The following KAT6A variants were observed in gnomAD, a reference collection of about 807,000 sequenced individuals.
KAT6A encodes lysine acetyltransferase 6A.
A neutral mutation model predicts 198.4 loss-of-function variants in KAT6A; 9 were observed. The observed-to-expected ratio is 0.05, with a 90% CI of 0.03 to 0.08. The LOEUF is 0.08. Ranked by LOEUF, KAT6A falls within the 10% of genes least tolerant of loss-of-function variation. The pLI, the probability that KAT6A is intolerant of heterozygous loss-of-function variation, is 1.00. For synonymous variants in KAT6A, 890 were observed against 883.0 expected (o/e 1.01, Z -0.14); for missense variants, 2,077 against 2,509.9 (o/e 0.83, Z 3.69).
chr8:41,943,513 A>C (rs1822242592), intron 13 of KAT6A, among the ~76,000 whole-genome samples: 1 of 152,196 alleles, frequency 6.6e-6, no homozygotes, highest in Non-Finnish European at 1.5e-5. Context: ...CTTAGGTCCA[A>C]AAATTAGGGG....
chr8:41,952,305 A>G (rs1165202673), intron 9 of KAT6A, among the ~76,000 whole-genome samples: 5 of 152,162 alleles, frequency 3.3e-5, no homozygotes, highest in Admixed American at 1.3e-4. Context: ...TTCCTAGGCT[A>G]CTCTATCACC....
At chr8:42,050,802 G>A (rs186091045) in intron 1 of KAT6A, among the ~76,000 whole-genome samples, 32 of 152,270 alleles carry the variant, frequency 2.1e-4, no homozygotes, top group Admixed American at 3.3e-4. Flanking sequence ...AAAAGAATGA[G>A]TGACAGTCAC....
intron 2 of KAT6A, among the ~76,000 whole-genome samples, chr8:41,998,189 C>A (rs1439392621): frequency 6.6e-6 from 1 of 152,110 alleles, no homozygotes. Flanking sequence ...AATTCAAAGA[C>A]AAAATCCACA....
At chr8:41,986,206 T>C (rs959672690) in intron 3 of KAT6A, among the ~76,000 whole-genome samples, 5 of 152,236 alleles carry the variant, frequency 3.3e-5, no homozygotes, top group African/African-American at 7.2e-5. Context: ...CCCAAAATGC[T>C]GGGATTACAG....
Position 41,934,621 on chromosome 8 carries a change from C to G in KAT6A, c.3599G>C (p.Arg1200Pro), listed in dbSNP as rs140223219. 1.2e-6 allele frequency: 2 copies of G among 1,613,992 alleles called. No individual in the cohort carries two copies. Among genetic ancestry groups the G allele is most frequent in the African/African-American group, 1.3e-5 (1 of 74,884 alleles). The change falls in exon 17 of 17, where the codon CGT becomes CCT. Residue 1200 changes from arginine (R) to proline (P), a missense_variant. By Grantham distance (103) the Arg-to-Pro change is moderately radical. Around this residue, in one of 13 missense-constraint regions of KAT6A, gnomAD observed 375 missense variants for 383.0 expected, o/e 0.98. Transcript: ENST00000265713. Reference sequence around the variant, plus strand: ...TTCACTCTCCTGGATCTTGGGTTTACGTCCAGCTTTAGGAATGGAAACGAT... The same window carrying G: ...TTCACTCTCCTGGATCTTGGGTTTAGGTCCAGCTTTAGGAATGGAAACGAT... Reference protein sequence around the residue: ...EPIVSIPKAGRKPKIQESEET... With the variant: ...EPIVSIPKAGPKPKIQESEET...
intron 8 of KAT6A, among the ~76,000 whole-genome samples, chr8:41,963,874 A>G (rs1362969998): frequency 1.3e-5 from 2 of 152,080 alleles, no homozygotes; most frequent in African/African-American, 4.8e-5. Context: ...ACTCCAACCA[A>G]CTGCACACAG....
chr8:41,946,688 G>A lies in KAT6A; in HGVS notation c.1903-4C>T, dbSNP rs1323961395. ...ACTTCTGTTGGCAGTGCTTTTCCTG[G>A]TGGAGAAAACACAAGTCAAGTTTGA... On this transcript the variant is annotated splice_region_variant and splice_polypyrimidine_tract_variant and intron_variant, in intron 11 of 16. Coordinates refer to ENST00000265713, the MANE Select transcript of KAT6A (RefSeq NM_006766.5). 1 of 1,561,366 alleles carries A rather than the reference G, an allele frequency of 6.4e-7. No homozygotes were observed. The highest frequency in any genetic ancestry group is 8.8e-7 in the Non-Finnish European group (1 of 1,132,540).
chr8:42,012,531 G>A (rs1471851809), intron 2 of KAT6A, among the ~76,000 whole-genome samples: 3 of 152,182 alleles, frequency 2.0e-5, no homozygotes. Context: ...TGATGCTGCT[G>A]CTGACCACAA....
chr8:41,957,973 A>C (rs1359401688), intron 8 of KAT6A: 1 of 152,356 alleles, frequency 6.6e-6, no homozygotes, highest in African/African-American at 2.4e-5. Flanking sequence ...CCATCTGTCC[A>C]CTGGAGCGCT....
intron 2 of KAT6A, among the ~76,000 whole-genome samples, chr8:42,040,800 C>A (rs1054425226): frequency 7.1e-6 from 1 of 141,814 alleles, no homozygotes; most frequent in African/African-American, 2.6e-5. Flanking sequence ...TGGTATAGAA[C>A]TTTGGATTAG....
rs776291461 is a variant in KAT6A at position 42,018,948 on chromosome 8, CAAAA to C, written c.600+29426_600+29429del. 6.6e-5 allele frequency among the ~76,000 whole-genome samples: 10 copies of C among 152,010 alleles called. No individual in the cohort carries two copies. In the South Asian group the frequency reaches 2.1e-3, roughly 32 times the overall value. On this transcript the variant is annotated intron_variant, in intron 2 of 16. Coordinates refer to ENST00000265713, the MANE Select transcript of KAT6A (RefSeq NM_006766.5). ...TTAAAAAAAAACAAAAACAAACAAACAAAAAAACCATGTAGAACAAGTTGTTCGG... is the reference window on the plus strand; with the variant it reads ...TTAAAAAAAAACAAAAACAAACAAACAAACCATGTAGAACAAGTTGTTCGG...
At chr8:41,996,723 CACAGAGAG>C (rs1825228162) in intron 2 of KAT6A, among the ~76,000 whole-genome samples, 3 of 152,316 alleles carry the variant, frequency 2.0e-5, no homozygotes, top group African/African-American at 7.2e-5. Context: ...AGAAGGCCCT[CACAGAGAG>C]ATGAGGCCCC....
Position 41,981,999 on chromosome 8 carries a change from T to C in KAT6A, c.710-45A>G, listed in dbSNP as rs758933425. 9.6e-6 allele frequency: 11 copies of C among 1,150,768 alleles called. No individual in the cohort carries two copies. In the East Asian group the frequency reaches 2.4e-4, roughly 25 times the overall value. 71.3% of individuals were successfully genotyped at this position (1,150,768 alleles called of 1,614,324 possible). A position where few individuals can be genotyped will look rare whatever the true frequency, so the allele number is the denominator to read the frequency against. ...TCATGAATGAAACAATCAAGAACTA[T>C]TTTGCTATTATAGTACTAAAGAAAT... On this transcript the variant is annotated intron_variant, in intron 3 of 16. Coordinates refer to ENST00000265713, the MANE Select transcript of KAT6A (RefSeq NM_006766.5).
At chr8:42,013,275 T>TA (rs1826109730) in intron 2 of KAT6A, among the ~76,000 whole-genome samples, 1 of 136,620 alleles carries the variant, frequency 7.3e-6, no homozygotes. Context: ...TTTTTTTTTT[T>TA]AGATGGAGTC....
intron 15 of KAT6A, among the ~76,000 whole-genome samples, chr8:41,939,337 T>C (rs1031057213): frequency 8.5e-5 from 13 of 152,194 alleles, no homozygotes; most frequent in African/African-American, 2.6e-4. Flanking sequence ...TAGGGAAAAA[T>C]CAAATTGATA....
chr8:41,972,174 G>A (rs1564031442), intron 8 of KAT6A, among the ~76,000 whole-genome samples: 1 of 151,084 alleles, frequency 6.6e-6, no homozygotes. Flanking sequence ...TAATCTATGA[G>A]TTTAAACAAA....
chr8:42,028,679 GT>G (rs1479146475), intron 2 of KAT6A, among the ~76,000 whole-genome samples: 1 of 152,076 alleles, frequency 6.6e-6, no homozygotes, highest in Admixed American at 6.6e-5. Flanking sequence ...AAAAAAATCA[GT>G]TTATCTACAT....
intron 2 of KAT6A, among the ~76,000 whole-genome samples, chr8:42,040,071 T>C (rs1159179548): frequency 6.6e-6 from 1 of 151,890 alleles, no homozygotes; most frequent in African/African-American, 2.4e-5. Context: ...TTAAATACTA[T>C]TAAATACCTA....
intron 1 of KAT6A, among the ~76,000 whole-genome samples, chr8:42,051,426 G>A (rs1427157024): frequency 6.7e-6 from 1 of 150,354 alleles, no homozygotes; most frequent in Non-Finnish European, 1.5e-5. Flanking sequence ...GCCCGAACCC[G>A]AGCGCCCGCG....
Sources: gnomAD v4.1 joint callset for allele counts (sites outside exome capture counted in the v4.1 genomes callset) on GRCh38, gnomAD v4.1.1 for gene constraint, gnomAD v4.1.1 regional missense constraint, MANE v1.5 for transcripts, NCBI Gene and HGNC (gene_info 2026-07-23, HGNC 2026-07-21) for gene names.